Variants in PLAAT2 observed in about 807,000 individuals in gnomAD.
The protein encoded by PLAAT2 is phospholipase A and acyltransferase 2.
In PLAAT2, 12 loss-of-function variants were observed where a neutral mutation model predicts 12.8. The observed-to-expected ratio is 0.94, with a 90% CI of 0.60 to 1.52. The LOEUF (loss-of-function observed/expected upper bound fraction) is 1.52. Among genes scored for constraint, PLAAT2 ranks in the 40% most tolerant of loss-of-function variants. The pLI, the probability that PLAAT2 is intolerant of heterozygous loss-of-function variation, is 0.00. For synonymous variants in PLAAT2, 79 were observed against 86.8 expected (o/e 0.91, Z 0.50); for missense variants, 166 against 208.1 (o/e 0.80, Z 1.24).
Position 63,563,355 on chromosome 11 carries a change from C to G in PLAAT2, c.-31G>C, listed in dbSNP as rs778801683. 2 of 1,613,886 alleles carry G rather than the reference C, an allele frequency of 1.2e-6. No homozygotes were observed. The highest frequency in any genetic ancestry group is 1.7e-6 in the Non-Finnish European group (2 of 1,179,904). ...CTTCAAGATGATGTCTTGTGTGTTG[C>G]TGACTCTGTGTCCAGCCTTAAATTA... On this transcript the variant is annotated 5_prime_UTR_variant, in exon 1 of 4. Coordinates refer to ENST00000255695, the MANE Select transcript of PLAAT2 (RefSeq NM_017878.2).
At chr11:63,553,182 CAGAG>C (rs1257524912) in intron 3 of PLAAT2, 117 bp from the exon 4 acceptor site, 2 of 635,240 alleles carry the variant, frequency 3.1e-6, no homozygotes, top group Non-Finnish European at 5.4e-6. Context: ...ATTTGAATCA[CAGAG>C]GGAACAAATA....
intron 3 of PLAAT2, among the ~76,000 whole-genome samples, chr11:63,556,438 A>T (rs1005166811): frequency 6.6e-6 from 1 of 151,944 alleles, no homozygotes; most frequent in African/African-American, 2.4e-5. Context: ...CAGCCTATAG[A>T]AGAGCTTTTA....
intron 3 of PLAAT2, among the ~76,000 whole-genome samples, chr11:63,554,840 A>G (rs994135801): frequency 2.0e-5 from 3 of 152,216 alleles, no homozygotes; most frequent in African/African-American, 7.2e-5. Flanking sequence ...GGGGGAAAAA[A>G]AACCATTTTA....
chr11:63,563,606 C>G (rs376132088), upstream of PLAAT2, among the ~76,000 whole-genome samples: 83 of 74,508 alleles, frequency 1.1e-3, 1 homozygote, highest in South Asian at 0.045. Flanking sequence ...GTAGTCCCAG[C>G]TACTCCAGAG....
intron 2 of PLAAT2, among the ~76,000 whole-genome samples, chr11:63,559,250 CTG>C (rs1389940914): frequency 1.3e-5 from 2 of 152,202 alleles, no homozygotes; most frequent in African/African-American, 2.4e-5. Flanking sequence ...CTGCAGTGAG[CTG>C]TGATTGTGCC....
intron 3 of PLAAT2, among the ~76,000 whole-genome samples, chr11:63,554,036 C>T (rs183411164): frequency 5.6e-4 from 85 of 152,188 alleles, no homozygotes; most frequent in Non-Finnish European, 9.9e-4. Context: ...GGCCGACCCC[C>T]GAGGGTTGGT....
At chr11:63,554,282 G>A (rs2017445761) in intron 3 of PLAAT2, among the ~76,000 whole-genome samples, 1 of 152,166 alleles carries the variant, frequency 6.6e-6, no homozygotes, top group Non-Finnish European at 1.5e-5. Context: ...CTAGGAGGTA[G>A]TGATTCTAAT....
chr11:63,561,988 C>G (rs2017523540), intron 1 of PLAAT2, among the ~76,000 whole-genome samples: 1 of 152,134 alleles, frequency 6.6e-6, no homozygotes, highest in Admixed American at 6.5e-5. Flanking sequence ...AAAAGAATCA[C>G]CCTATTATTC....
Position 63,553,018 on chromosome 11 carries a change from A to G in PLAAT2, c.435T>C (p.Ala145=). The change falls in exon 4 of 4, where the codon GCT becomes GCC. Residue 145 remains alanine (A), a synonymous_variant. Coordinates refer to ENST00000255695, the MANE Select transcript of PLAAT2 (RefSeq NM_017878.2). ...GCAGGATCCCCACAAGGCTTGCGGC[A>G]GCCAGCAGGCCTGCTGCCACACCTA... ...TTVGVAAGLL[A]AASLVGILLA... 1 of 1,613,994 alleles carries G rather than the reference A, an allele frequency of 6.2e-7. No individual in the cohort carries two copies. The highest frequency in any genetic ancestry group is 1.3e-5 in the African/African-American group (1 of 75,038).
At chr11:63,553,363 G>T (rs939597090) in intron 3 of PLAAT2, among the ~76,000 whole-genome samples, 3 of 152,044 alleles carry the variant, frequency 2.0e-5, no homozygotes, top group Admixed American at 6.5e-5. Flanking sequence ...TAATAGGTCG[G>T]GCTCAGTGGT....
Position 63,558,626 on chromosome 11 carries a change from C to T in PLAAT2, c.153G>A (p.Leu51=). The T allele has an allele frequency of 1.2e-6, 2 of 1,614,232 alleles. No individual in the cohort carries two copies. Among genetic ancestry groups the T allele is most frequent in the Non-Finnish European group, 8.5e-7 (1 of 1,180,042 alleles). Residue 51 remains leucine, a synonymous_variant, in exon 3 of 4, where the codon CTG becomes CTA. Transcript: ENST00000255695. ...CTATGGCTTTGTTGGTCAGGGCAGA[C>T]AGGACACTGGCCGCACCAGCTCCAG... is the stretch of plus-strand genomic sequence containing the variant. ...EIAGAGAASV[L]SALTNKAIVK... is the part of the protein sequence containing the mutation.
At chr11:63,564,575 G>A (rs2017547096), upstream of PLAAT2, among the ~76,000 whole-genome samples, 1 of 152,214 alleles carries the variant, frequency 6.6e-6, no homozygotes. Flanking sequence ...CTCAGCTCAC[G>A]TGGTCATGTG....
At chr11:63,563,400 C>T, upstream of PLAAT2, 1 of 1,587,874 alleles carries the variant, frequency 6.3e-7, no homozygotes, top group Admixed American at 1.7e-5. Context: ...TTCACTTTCC[C>T]TGTGACCCAG....
At chr11:63,559,859 CT>C (rs1253299884) in intron 2 of PLAAT2, among the ~76,000 whole-genome samples, 3 of 152,166 alleles carry the variant, frequency 2.0e-5, no homozygotes, top group Non-Finnish European at 4.4e-5. Context: ...TTGGTTCAGA[CT>C]GAACCCCACT....
chr11:63,554,462 G>A (rs755017531), intron 3 of PLAAT2, among the ~76,000 whole-genome samples: 3 of 151,612 alleles, frequency 2.0e-5, no homozygotes, highest in East Asian at 3.9e-4. Flanking sequence ...TGAGACCCCC[G>A]TCTCCACTAA....
chr11:63,561,888 CTG>C (rs2017522808), intron 1 of PLAAT2, among the ~76,000 whole-genome samples: 1 of 152,032 alleles, frequency 6.6e-6, no homozygotes, highest in African/African-American at 2.4e-5. Flanking sequence ...ATAAAAATAA[CTG>C]TACACAAACT....
rs756449411 is a variant in PLAAT2 at position 63,558,459 on chromosome 11, G to C, written c.320C>G (p.Ser107Trp). 1.9e-6 allele frequency: 3 copies of C among 1,614,086 alleles called. No homozygotes were observed. Among genetic ancestry groups the C allele is most frequent in the Non-Finnish European group, 2.5e-6 (3 of 1,180,064 alleles). ...GTGCTCGCAGTTGTCACTGGTCAGC[G>C]AATAAGGCAACTCCTGCCCCACCAA... is the stretch of plus-strand genomic sequence containing the variant. ...EELVGQELPY[S>W]LTSDNCEHFV... is the part of the protein sequence containing the mutation. Residue 107 changes from serine (S) to tryptophan (W), a missense_variant, in exon 3 of 4, where the codon TCG (serine) becomes TGG (tryptophan). Coordinates refer to ENST00000255695, the MANE Select transcript of PLAAT2 (RefSeq NM_017878.2).
At chr11:63,559,767 CT>C in intron 2 of PLAAT2, among the ~76,000 whole-genome samples, 1 of 152,174 alleles carries the variant, frequency 6.6e-6, no homozygotes, top group East Asian at 2.0e-4. Context: ...AAGGAAGCAA[CT>C]GCTTCTTACT....
At chr11:63,563,256 A>G (rs2017534170) in intron 1 of PLAAT2, 60 bp downstream of exon 1, 5 of 1,602,798 alleles carry the variant, frequency 3.1e-6, no homozygotes, top group Non-Finnish European at 4.3e-6. Flanking sequence ...ACACATAATC[A>G]TCACTAATAG....
Sources: gnomAD v4.1 joint callset for allele counts (sites outside exome capture counted in the v4.1 genomes callset) on GRCh38, gnomAD v4.1.1 for gene constraint, MANE v1.5 for transcripts, NCBI Gene and HGNC (gene_info 2026-07-23, HGNC 2026-07-21) for gene names.